Variants in DLGAP1 observed in about 807,000 individuals in gnomAD.
The protein encoded by DLGAP1 is disks large-associated protein 1.
DLGAP1 carries 11 observed loss-of-function variants against 90.8 expected under a neutral mutation model. The observed-to-expected ratio is 0.12, with a 90% CI of 0.08 to 0.20. DLGAP1 has a LOEUF of 0.20. Among genes scored for constraint, DLGAP1 ranks in the 10% least tolerant of loss-of-function variants. The probability of loss-of-function intolerance (pLI) is 1.00; values close to 1 mark genes in which losing one functional copy is unlikely to be tolerated. For missense variants in DLGAP1, 1,050 were observed against 1,333.8 expected, an observed-to-expected ratio of 0.79 and a Z score of 3.31; for synonymous variants, 558 against 540.7, an observed-to-expected ratio of 1.03 and a Z score of -0.44.
In DLGAP1 at chr18:3,620,161, C is replaced by T. The variant is rs370540962; in HGVS notation, c.1592-37913G>A. Among the ~76,000 whole-genome samples the T allele has an allele frequency of 1.1e-4, 16 of 152,128 alleles. 1 individual carries two copies. The highest frequency in any genetic ancestry group is 1.9e-4 in the African/African-American group (8 of 41,510). On this transcript the variant is annotated intron_variant, in intron 7 of 12. Transcript: ENST00000315677. ...ACTACCTGAATGGGCCCAAAGTCAT[C>T]GTGAGGTCCTTATAAGAGGGAGGCA...
intron 10 of DLGAP1, among the ~76,000 whole-genome samples, chr18:3,531,922 C>T (rs1048820256): frequency 6.6e-6 from 1 of 152,138 alleles, no homozygotes; most frequent in Non-Finnish European, 1.5e-5. Context: ...GTGGCACAGT[C>T]TCAGCTTGCC....
intron 1 of DLGAP1, among the ~76,000 whole-genome samples, chr18:4,163,344 T>G (rs2076877423): frequency 6.6e-6 from 1 of 152,188 alleles, no homozygotes; most frequent in Non-Finnish European, 1.5e-5. Flanking sequence ...GTCTATGAGC[T>G]TAGCAATCGT....
intron 1 of DLGAP1, among the ~76,000 whole-genome samples, chr18:4,270,760 C>G (rs2079260105): frequency 6.6e-6 from 1 of 152,134 alleles, no homozygotes; most frequent in African/African-American, 2.4e-5. Context: ...TATAAGCTTA[C>G]TTTCCAAAAG....
At chr18:4,245,785 G>A (rs1275060257) in intron 1 of DLGAP1, among the ~76,000 whole-genome samples, 1 of 152,156 alleles carries the variant, frequency 6.6e-6, no homozygotes, top group Non-Finnish European at 1.5e-5. Context: ...TTATATCAAT[G>A]AAATGCAAAG....
At chr18:3,857,937 G>T (rs940078729) in intron 4 of DLGAP1, among the ~76,000 whole-genome samples, 3 of 151,978 alleles carry the variant, frequency 2.0e-5, no homozygotes, top group African/African-American at 7.3e-5. Context: ...CAGTAGAAAG[G>T]TGTGTTTACT....
intron 3 of DLGAP1, among the ~76,000 whole-genome samples, chr18:3,917,356 C>G (rs1205551408): frequency 6.6e-6 from 1 of 152,184 alleles, no homozygotes; most frequent in Non-Finnish European, 1.5e-5. Context: ...CAGCAGCATT[C>G]CAGCTCTCGC....
chr18:3,782,558 T>C (rs2065249915), intron 5 of DLGAP1, among the ~76,000 whole-genome samples: 2 of 152,192 alleles, frequency 1.3e-5, no homozygotes, highest in Admixed American at 1.3e-4. Context: ...GCCAAATCCC[T>C]TTAGAATGGC....
At chr18:4,227,807 G>A (rs181608548) in intron 1 of DLGAP1, among the ~76,000 whole-genome samples, 1 of 150,082 alleles carries the variant, frequency 6.7e-6, no homozygotes, top group Non-Finnish European at 1.5e-5. Context: ...ACAAGCAAGA[G>A]CAAACCAAAC....
At chr18:4,042,797 A>G (rs1486676688) in intron 2 of DLGAP1, among the ~76,000 whole-genome samples, 2 of 152,222 alleles carry the variant, frequency 1.3e-5, no homozygotes, top group East Asian at 1.9e-4. Flanking sequence ...GTTCATAGCA[A>G]CGATGTATAT....
chr18:3,868,482 T>A (rs1417727575), intron 4 of DLGAP1, among the ~76,000 whole-genome samples: 1 of 152,190 alleles, frequency 6.6e-6, no homozygotes, highest in Non-Finnish European at 1.5e-5. Flanking sequence ...GAGCTTAGAC[T>A]GGCAGGTGGC....
intron 7 of DLGAP1, chr18:3,708,408 G>A (rs1254010361): frequency 4.4e-6 from 2 of 456,504 alleles, no homozygotes; most frequent in African/African-American, 2.0e-5. Context: ...CATATGGGGT[G>A]ATCTTTACCC....
At chr18:3,538,959 G>C (rs975540838) in intron 9 of DLGAP1, among the ~76,000 whole-genome samples, 5 of 152,220 alleles carry the variant, frequency 3.3e-5, no homozygotes, top group African/African-American at 1.2e-4. Flanking sequence ...GAAGTTTGCA[G>C]TTTGCAGTGT....
intron 5 of DLGAP1, among the ~76,000 whole-genome samples, chr18:3,777,391 G>A (rs1598708331): frequency 6.6e-6 from 1 of 152,156 alleles, no homozygotes; most frequent in Admixed American, 6.5e-5. Flanking sequence ...TTTCAGGGAA[G>A]AAACTGAATA....
intron 1 of DLGAP1, among the ~76,000 whole-genome samples, chr18:4,333,701 A>G (rs2081002575): frequency 6.8e-6 from 1 of 147,130 alleles, no homozygotes; most frequent in South Asian, 2.2e-4. Context: ...CTCACTGCAA[A>G]CTCCACCTCC....
chr18:4,102,257 C>T (rs2075791824), intron 2 of DLGAP1, among the ~76,000 whole-genome samples: 3 of 152,176 alleles, frequency 2.0e-5, no homozygotes, highest in South Asian at 2.1e-4. Flanking sequence ...GGAAACAGTA[C>T]TACGCATTTT....
chr18:3,862,680 C>T (rs2070149556), intron 4 of DLGAP1, among the ~76,000 whole-genome samples: 1 of 152,176 alleles, frequency 6.6e-6, no homozygotes, highest in Admixed American at 6.5e-5. Context: ...AACCCCAGGC[C>T]CATGTTAGTC....
chr18:3,562,814 T>C (rs1428826712), intron 9 of DLGAP1, among the ~76,000 whole-genome samples: 11 of 152,038 alleles, frequency 7.2e-5, no homozygotes, highest in Admixed American at 7.2e-4. Flanking sequence ...ATCTTTTATC[T>C]TTTTTGTTTG....
At chr18:4,109,796 A>T (rs1468456458) in intron 2 of DLGAP1, among the ~76,000 whole-genome samples, 3 of 151,982 alleles carry the variant, frequency 2.0e-5, no homozygotes, top group South Asian at 2.1e-4. Context: ...TTTTATTTTA[A>T]ATCATTCTTC....
At chr18:4,162,941 C>G (rs1170356517) in intron 1 of DLGAP1, among the ~76,000 whole-genome samples, 1 of 151,940 alleles carries the variant, frequency 6.6e-6, no homozygotes, top group South Asian at 2.1e-4. Flanking sequence ...TAATATCATT[C>G]TGTTTTGAGC....
Sources: gnomAD v4.1 joint callset for allele counts (sites outside exome capture counted in the v4.1 genomes callset) on GRCh38, gnomAD v4.1.1 for gene constraint, MANE v1.5 for transcripts, NCBI Gene and HGNC (gene_info 2026-07-23, HGNC 2026-07-21) for gene names.